Variants in SNX29 observed in about 807,000 individuals in gnomAD.
SNX29 encodes sorting nexin 29.
Under a neutral mutation model 102.1 loss-of-function variants are expected in SNX29, and 78 were observed. The ratio of observed to expected loss-of-function variants is 0.76; its 90% CI spans 0.64 to 0.92. The LOEUF is 0.92. Among genes scored for constraint, SNX29 ranks in the 40% least tolerant of loss-of-function variants. The pLI is 0.00. For missense variants in SNX29, 1,280 were observed against 1,061.7 expected, an observed-to-expected ratio of 1.21 and a Z score of -2.86; for synonymous variants, 580 against 414.5, an observed-to-expected ratio of 1.40 and a Z score of -4.85.
rs184591236 is a variant in SNX29 at position 12,533,390 on chromosome 16, C to T, written c.2318+8549C>T. On this transcript the variant is annotated intron_variant, in intron 20 of 20. Coordinates refer to ENST00000566228, the MANE Select transcript of SNX29 (RefSeq NM_032167.5). The stretch of plus-strand genomic sequence containing the variant: ...GGCTGTTTGAGGTCATGGAGTCTTT[C>T]GCCCCTTTTGTGATGTGTTGATGCA... Among the ~76,000 whole-genome samples the T allele has an allele frequency of 9.4e-4, 143 of 152,264 alleles. No homozygotes were observed. The South Asian group carries it at 0.014, about 15-fold the overall frequency.
chr16:12,210,406 C>A (rs2077152594), intron 14 of SNX29, among the ~76,000 whole-genome samples: 1 of 151,138 alleles, frequency 6.6e-6, no homozygotes, highest in African/African-American at 2.4e-5. Context: ...TAGTTCACTG[C>A]AGCCTCAACC....
intron 20 of SNX29, among the ~76,000 whole-genome samples, chr16:12,565,283 C>T (rs989510916): frequency 2.0e-5 from 3 of 152,014 alleles, no homozygotes; most frequent in Admixed American, 2.0e-4. Flanking sequence ...TCACATACGC[C>T]AGCAGCCACC....
chr16:12,047,194 C>T (rs931048920), intron 6 of SNX29, among the ~76,000 whole-genome samples: 7 of 152,086 alleles, frequency 4.6e-5, no homozygotes, highest in African/African-American at 7.2e-5. Flanking sequence ...GATCAGGAGT[C>T]GCACACATGA....
intron 19 of SNX29, among the ~76,000 whole-genome samples, chr16:12,488,319 C>A (rs1383105287): frequency 6.6e-6 from 1 of 151,966 alleles, no homozygotes; most frequent in Non-Finnish European, 1.5e-5. Context: ...TCCATTGTGG[C>A]CTTCATACCT....
In SNX29 at chr16:12,112,841, T is replaced by C. The variant is rs566220950; in HGVS notation, c.1403-13792T>C. 3.9e-5 allele frequency among the ~76,000 whole-genome samples: 6 copies of C among 152,296 alleles called. No individual in the cohort carries two copies. In the East Asian group the frequency reaches 9.6e-4, roughly 24 times the overall value. ...GCACTGGGTACAGCTGGATGTATAA[T>C]TGCCATTCTCTTCCTGCCGGAGGAG... On this transcript the variant is annotated intron_variant, in intron 11 of 20. Coordinates refer to ENST00000566228, the MANE Select transcript of SNX29 (RefSeq NM_032167.5).
intron 15 of SNX29, among the ~76,000 whole-genome samples, chr16:12,312,249 C>T (rs181800955): frequency 1.6e-4 from 24 of 152,340 alleles, no homozygotes; most frequent in Admixed American, 1.6e-3. Flanking sequence ...CATCCCAGCC[C>T]CCTGCACTTC....
At chr16:12,428,459 A>G (rs2085173653) in intron 18 of SNX29, among the ~76,000 whole-genome samples, 1 of 152,270 alleles carries the variant, frequency 6.6e-6, no homozygotes, top group African/African-American at 2.4e-5. Flanking sequence ...TTCTTTATAG[A>G]AAATTCAGAA....
chr16:12,023,872 C>T (rs1397340284), intron 3 of SNX29, among the ~76,000 whole-genome samples: 4 of 152,136 alleles, frequency 2.6e-5, no homozygotes, highest in Non-Finnish European at 4.4e-5. Context: ...ACCGTTTATA[C>T]GAAATCTCCT....
intron 15 of SNX29, among the ~76,000 whole-genome samples, chr16:12,353,214 C>T (rs533177764): frequency 2.6e-5 from 4 of 152,284 alleles, no homozygotes; most frequent in Admixed American, 6.5e-5. Context: ...CTCTGTGGTG[C>T]TCTTGCTTCG....
At chr16:12,163,054 G>T (rs2055857143) in intron 13 of SNX29, among the ~76,000 whole-genome samples, 2 of 152,084 alleles carry the variant, frequency 1.3e-5, no homozygotes, top group South Asian at 4.1e-4. Context: ...GCTAATTTTT[G>T]TATTTTTAGT....
At chr16:12,219,907 A>C (rs1368930758) in intron 14 of SNX29, among the ~76,000 whole-genome samples, 1 of 152,082 alleles carries the variant, frequency 6.6e-6, no homozygotes, top group East Asian at 1.9e-4. Flanking sequence ...CCCTCACTCC[A>C]CAGCCCCCCA....
At chr16:12,476,834 A>G (rs2151817390) in intron 18 of SNX29, among the ~76,000 whole-genome samples, 1 of 152,328 alleles carries the variant, frequency 6.6e-6, no homozygotes, top group East Asian at 1.9e-4. Context: ...ACGTAGGAAC[A>G]GAATTTATCA....
intron 15 of SNX29, among the ~76,000 whole-genome samples, chr16:12,279,945 A>G (rs957784612): frequency 9.2e-5 from 14 of 152,168 alleles, no homozygotes; most frequent in African/African-American, 3.4e-4. Context: ...GAGGGTGCCT[A>G]CTTCGCAGGG....
At chr16:12,290,645 T>C (rs1419000021) in intron 15 of SNX29, among the ~76,000 whole-genome samples, 1 of 152,214 alleles carries the variant, frequency 6.6e-6, no homozygotes, top group Non-Finnish European at 1.5e-5. Context: ...GACTGTGTGA[T>C]TTATCAAGGT....
intron 4 of SNX29, among the ~76,000 whole-genome samples, chr16:12,034,817 C>G: frequency 6.6e-6 from 1 of 152,124 alleles, no homozygotes; most frequent in Admixed American, 6.5e-5. Flanking sequence ...TCGAGACCAG[C>G]CTGGCCAACA....
intron 20 of SNX29, among the ~76,000 whole-genome samples, chr16:12,550,328 A>T (rs2077891470): frequency 6.6e-6 from 1 of 152,172 alleles, no homozygotes; most frequent in African/African-American, 2.4e-5. Flanking sequence ...CCTGAGGTCG[A>T]GTGTGAGACC....
intron 20 of SNX29, among the ~76,000 whole-genome samples, chr16:12,555,359 T>C (rs2078266613): frequency 6.6e-6 from 1 of 151,928 alleles, no homozygotes; most frequent in Non-Finnish European, 1.5e-5. Flanking sequence ...GGTTAACTTT[T>C]CTCCCATGAG....
chr16:12,121,267 C>T (rs937041717), intron 11 of SNX29, among the ~76,000 whole-genome samples: 1 of 152,228 alleles, frequency 6.6e-6, no homozygotes, highest in Admixed American at 6.5e-5. Flanking sequence ...ATGGGAATCA[C>T]TGAACTCTAC....
rs556417529 is a variant in SNX29, at chr16:12,120,751, A to G, written c.1403-5882A>G. Among the ~76,000 whole-genome samples, 576 of 152,298 alleles carry G rather than the reference A, an allele frequency of 3.8e-3. 2 individuals are homozygous for G. Among genetic ancestry groups the G allele is most frequent in the Middle Eastern group, 0.017 (5 of 294 alleles). On this transcript the variant is annotated intron_variant, in intron 11 of 20. Coordinates refer to ENST00000566228, the MANE Select transcript of SNX29 (RefSeq NM_032167.5). ...TTTGAAATTGAGCATTCATGTGGTC[A>G]CTGCCGAGAAAGGAGGGGAACGGTT...
Sources: allele counts gnomAD v4.1 joint callset (sites outside exome capture counted in the v4.1 genomes callset), GRCh38; gene constraint gnomAD v4.1.1; transcripts MANE v1.5; gene names NCBI Gene and HGNC (gene_info 2026-07-23, HGNC 2026-07-21).